Variants in STRIP2 observed in about 807,000 individuals in gnomAD.
STRIP2 encodes the protein striatin interacting protein 2, also known as striatin-interacting protein 2.
Under a neutral mutation model 107.1 loss-of-function variants are expected in STRIP2, and 84 were observed. The ratio of observed to expected loss-of-function variants is 0.78; its 90% confidence interval spans 0.66 to 0.94. The LOEUF is 0.94. STRIP2 is among the 40% of genes least tolerant of loss of function. The pLI, the probability that STRIP2 is intolerant of heterozygous loss-of-function variation, is 0.00. For synonymous variants in STRIP2, 394 were observed against 400.4 expected, an observed-to-expected ratio of 0.98 and a Z score of 0.19; for missense variants, 888 against 1,034.2, an observed-to-expected ratio of 0.86 and a Z score of 1.94.
intron 18 of STRIP2, 73 bp from the exon 19 acceptor site, chr7:129,480,712 A>T: frequency 7.6e-7 from 1 of 1,320,212 alleles, no homozygotes; most frequent in Non-Finnish European, 1.1e-6. Flanking sequence ...ACTGACCAAC[A>T]TTGACTTCCA....
chr7:129,459,443 C>CT, intron 11 of STRIP2, 74 bp from the exon 12 acceptor site: 1 of 1,294,656 alleles, frequency 7.7e-7, no homozygotes, highest in Non-Finnish European at 1.1e-6. Flanking sequence ...TCTGTTGACT[C>CT]TAGGGGGGTA....
chr7:129,468,025 C>T (rs1241357331), intron 17 of STRIP2, among the ~76,000 whole-genome samples: 2 of 152,120 alleles, frequency 1.3e-5, no homozygotes, highest in Non-Finnish European at 2.9e-5. Context: ...ACAAAATTAA[C>T]ATGCTGGTGA....
At chr7:129,480,630 T>G (rs1185598137) in intron 18 of STRIP2, among the ~76,000 whole-genome samples, 155 bp from the exon 19 acceptor site, 2 of 152,226 alleles carry the variant, frequency 1.3e-5, no homozygotes, top group African/African-American at 4.8e-5. Flanking sequence ...AACCATGGGC[T>G]TTGGAGACTT....
intron 19 of STRIP2, among the ~76,000 whole-genome samples, chr7:129,482,303 A>C (rs1006665245): frequency 6.0e-5 from 9 of 150,322 alleles, no homozygotes; most frequent in Non-Finnish European, 1.2e-4. Flanking sequence ...AATATTGAAA[A>C]CTTTGAACAA....
chr7:129,476,928 C>A (rs1269892899), intron 18 of STRIP2, among the ~76,000 whole-genome samples: 1 of 151,656 alleles, frequency 6.6e-6, no homozygotes, highest in East Asian at 2.0e-4. Flanking sequence ...ATCCCGGCAC[C>A]TCGGGAGACC....
intron 16 of STRIP2, 118 bp downstream of exon 16, chr7:129,464,856 C>G: frequency 7.3e-7 from 1 of 1,377,510 alleles, no homozygotes; most frequent in East Asian, 2.3e-5. Context: ...TTTTCTTTGT[C>G]CTCTCTCAGG....
At chr7:129,455,404 A>G (rs1322198856) in intron 8 of STRIP2, 33 bp downstream of exon 8, 2 of 1,603,502 alleles carry the variant, frequency 1.2e-6, no homozygotes, top group Non-Finnish European at 1.7e-6. Context: ...ACATTATCAG[A>G]TCAGCAATGC....
At chr7:129,479,234 A>C (rs1429820160) in intron 18 of STRIP2, among the ~76,000 whole-genome samples, 1 of 150,452 alleles carries the variant, frequency 6.6e-6, no homozygotes, top group Non-Finnish European at 1.5e-5. Context: ...AGATCACCCC[A>C]CTGCACTCAA....
At chr7:129,471,982 T>C (rs1190856866) in intron 18 of STRIP2, among the ~76,000 whole-genome samples, 1 of 148,808 alleles carries the variant, frequency 6.7e-6, no homozygotes, top group East Asian at 1.9e-4. Context: ...TTCAAGTTTT[T>C]TATTAAAAAA....
At position 129,483,268 on chromosome 7, in the gene STRIP2, C is replaced by G. The variant is rs1799173364; in HGVS notation, c.2254+222C>G. 3 of 1,246,876 alleles carry G rather than the reference C, an allele frequency of 2.4e-6. No homozygotes were observed. The East Asian group carries it at 8.9e-5, about 37-fold the overall frequency. The allele number at this position is 1,246,876 out of a possible 1,614,324, so 77.2% of individuals were successfully genotyped here. A position where few individuals can be genotyped will look rare whatever the true frequency, so the allele number is the denominator to read the frequency against. On this transcript the variant is annotated intron_variant, in intron 20 of 20. Coordinates refer to ENST00000249344, the MANE Select transcript of STRIP2 (RefSeq NM_020704.3). The surrounding 1 kb of genome is among the most constrained non-coding windows in gnomAD (Gnocchi z 5.1). The stretch of plus-strand genomic sequence containing the variant: ...AACTATGAAAATCCGTTTTATAAAA[C>G]AAGTAAATTGAGAGATAATTAATTG...
At chr7:129,471,559 T>C (rs559292060) in intron 18 of STRIP2, among the ~76,000 whole-genome samples, 3 of 152,346 alleles carry the variant, frequency 2.0e-5, no homozygotes, top group East Asian at 3.9e-4. Flanking sequence ...TGTCCTCCAA[T>C]TGTAATTCCT....
At chr7:129,436,622 A>G (rs1049713562) in intron 1 of STRIP2, among the ~76,000 whole-genome samples, 1 of 152,162 alleles carries the variant, frequency 6.6e-6, no homozygotes, top group African/African-American at 2.4e-5. Flanking sequence ...CTGCCAGTAC[A>G]TCCCCTATTA....
In STRIP2 at chr7:129,454,152, G is replaced by A; in HGVS notation, c.541G>A (p.Ala181Thr). Residue 181 changes from alanine (A) to threonine (T), a missense_variant, in exon 6 of 21, where the codon GCC becomes ACC. Physicochemically the swap from Ala to Thr is moderately conservative, Grantham distance 58. Transcript: ENST00000249344. ...CTCCTCCCCTGGCAGCAACAGCCAG[G>A]CCTGTAGCAGTGCCCTTCGGAAACC... ...LLHMEIDNSQ[A>T]CSSALRKPAV... 6.2e-7 allele frequency: 1 copy of A among 1,614,112 alleles called. No homozygotes were observed. Among genetic ancestry groups the A allele is most frequent in the Non-Finnish European group, 8.5e-7 (1 of 1,180,014 alleles).
chr7:129,484,015 G>T (rs1221159837), intron 20 of STRIP2, among the ~76,000 whole-genome samples: 1 of 152,082 alleles, frequency 6.6e-6, no homozygotes, highest in Non-Finnish European at 1.5e-5. Flanking sequence ...CAAAGTGCTG[G>T]GATTACAGGT....
chr7:129,437,815 T>G lies in STRIP2; in HGVS notation c.130-2207T>G, dbSNP rs189597213. ...TGATTCGCCTTGTTTTTTTTTGTTT[T>G]TTTTTTTTTTGACAGAGTCTCACTC... On this transcript the variant is annotated intron_variant, in intron 1 of 20. Transcript: ENST00000249344. Among the ~76,000 whole-genome samples the G allele has an allele frequency of 7.2e-3, 1,075 of 150,266 alleles. 14 individuals are homozygous for G. The highest frequency in any genetic ancestry group is 9.5e-3 in the Non-Finnish European group (641 of 67,520).
At chr7:129,472,775 CCTTTTTTTTTTTTT>C (rs1348501850) in intron 18 of STRIP2, among the ~76,000 whole-genome samples, 3 of 68,904 alleles carry the variant, frequency 4.4e-5, no homozygotes, top group East Asian at 4.4e-4. Context: ...CTTTTCTTTT[CCTTTTTTTTTTTTT>C]TTTTTTTTTT....
chr7:129,440,592 T>C (rs942528683), intron 2 of STRIP2, among the ~76,000 whole-genome samples: 10 of 152,172 alleles, frequency 6.6e-5, no homozygotes, highest in Non-Finnish European at 1.2e-4. Context: ...TATAGTCAAC[T>C]GGCCAGCTGA....
rs994814875 is a variant in STRIP2 at position 129,453,384 on chromosome 7, C to T, written c.530+37C>T. 5.0e-6 allele frequency: 8 copies of T among 1,612,258 alleles called. No individual in the cohort carries two copies. The Admixed American group carries it at 1.3e-4, about 27-fold the overall frequency. ...TAGGGGAAGGGCTGGCCTACATAAC[C>T]CCCATTCCTTAAAGGGGCCTCATGT... On this transcript the variant is annotated intron_variant, in intron 5 of 20. Transcript: ENST00000249344.
chr7:129,446,711 G>A (rs1219474593), intron 3 of STRIP2, among the ~76,000 whole-genome samples: 4 of 152,322 alleles, frequency 2.6e-5, no homozygotes, highest in African/African-American at 7.2e-5. Flanking sequence ...AAAGAAGCCA[G>A]GGTGGCAGGA....
Sources: gnomAD v4.1 joint callset for allele counts (sites outside exome capture counted in the v4.1 genomes callset) on GRCh38, gnomAD v4.1.1 for gene constraint, Gnocchi (gnomAD v3.1) non-coding constraint, MANE v1.5 for transcripts, NCBI Gene and HGNC (gene_info 2026-07-23, HGNC 2026-07-21) for gene names.